Variants in FANCC observed in about 807,000 individuals in gnomAD.
FANCC encodes the protein FA complementation group C.
FANCC carries 55 observed loss-of-function variants against 71.3 expected under a neutral mutation model. The ratio of observed to expected loss-of-function variants is 0.77; its 90% CI spans 0.62 to 0.97. The LOEUF (loss-of-function observed/expected upper bound fraction) is 0.97. Ranked by LOEUF, FANCC falls within the 50% of genes least tolerant of loss-of-function variation. FANCC has a pLI of 0.00. For missense variants in FANCC, 678 were observed against 670.9 expected (o/e 1.01, Z -0.12); for synonymous variants, 275 against 244.9 (o/e 1.12, Z -1.15).
intron 1 of FANCC, among the ~76,000 whole-genome samples, chr9:95,261,219 A>G (rs758913553): frequency 2.0e-5 from 3 of 152,184 alleles, no homozygotes; most frequent in Non-Finnish European, 4.4e-5. Flanking sequence ...GATTTATGGT[A>G]ATTTCAACTT....
chr9:95,310,504 A>C (rs1006853344), intron 1 of FANCC, among the ~76,000 whole-genome samples: 2 of 152,304 alleles, frequency 1.3e-5, no homozygotes, highest in African/African-American at 2.4e-5. Context: ...CCATTACAGA[A>C]GTCACATCAC....
At chr9:95,257,995 A>C in intron 1 of FANCC, among the ~76,000 whole-genome samples, 1 of 152,220 alleles carries the variant, frequency 6.6e-6, no homozygotes, top group East Asian at 1.9e-4. Flanking sequence ...ACCAGGAAGA[A>C]GTTGAATCCC....
intron 1 of FANCC, among the ~76,000 whole-genome samples, chr9:95,303,454 T>C (rs1464344924): frequency 2.0e-5 from 3 of 152,236 alleles, no homozygotes; most frequent in Non-Finnish European, 1.5e-5. Context: ...AGGTCCTAGC[T>C]TGACCTCAAC....
intron 1 of FANCC, among the ~76,000 whole-genome samples, chr9:95,296,141 A>C (rs1834358919): frequency 6.6e-6 from 1 of 152,212 alleles, no homozygotes; most frequent in South Asian, 2.1e-4. Context: ...TATATCAATC[A>C]TATCTCAATA....
rs371048013 is a variant in FANCC at position 95,272,093 on chromosome 9, C to A, written c.-78-22724G>T. 2.5e-3 allele frequency among the ~76,000 whole-genome samples: 373 copies of A among 151,600 alleles called. 1 individual carries two copies. Among genetic ancestry groups the A allele is most frequent in the African/African-American group, 8.6e-3 (356 of 41,366 alleles). ...CTGGGACTACAGGCACCCGCCACCA[C>A]GCCTGGCTAAATTTTTTTGTATTTT... On this transcript the variant is annotated intron_variant, in intron 1 of 14. Coordinates refer to ENST00000289081, the MANE Select transcript of FANCC (RefSeq NM_000136.3).
intron 6 of FANCC, among the ~76,000 whole-genome samples, chr9:95,154,923 A>G (rs755650088): frequency 6.6e-6 from 1 of 152,046 alleles, no homozygotes; most frequent in Non-Finnish European, 1.5e-5. Context: ...GAAAATATTC[A>G]TGCTAGGTGT....
chr9:95,197,044 G>A (rs1256213183), intron 4 of FANCC, among the ~76,000 whole-genome samples: 1 of 152,160 alleles, frequency 6.6e-6, no homozygotes, highest in Non-Finnish European at 1.5e-5. Flanking sequence ...TCCTTAGGAG[G>A]AGGTGTCACT....
chr9:95,171,128 C>G lies in FANCC; in HGVS notation c.472G>C (p.Ala158Pro), dbSNP rs372338418. The G allele has an allele frequency of 1.2e-5, 20 of 1,613,246 alleles. No individual in the cohort carries two copies. The highest frequency in any genetic ancestry group is 1.1e-4 in the East Asian group (5 of 44,844). ...GLLKNMVLSL[A>P]SELRENHLNG... ...AGATGATTCTCTCTGAGTTCAGACGCTAATGATAAAACCATCTGTAAAACA... is the reference window on the plus strand; with the variant it reads ...AGATGATTCTCTCTGAGTTCAGACGGTAATGATAAAACCATCTGTAAAACA... The change falls in exon 6 of 15, where the codon GCG (alanine) becomes CCG (proline). Residue 158 changes from alanine to proline, a missense_variant. Coordinates refer to ENST00000289081, the MANE Select transcript of FANCC (RefSeq NM_000136.3).
At chr9:95,284,052 T>G (rs1372910792) in intron 1 of FANCC, among the ~76,000 whole-genome samples, 1 of 152,232 alleles carries the variant, frequency 6.6e-6, no homozygotes, top group Non-Finnish European at 1.5e-5. Flanking sequence ...TTAACACCCA[T>G]TCAATGTCAG....
At chr9:95,155,671 A>G (rs1374850514) in intron 6 of FANCC, among the ~76,000 whole-genome samples, 1 of 152,094 alleles carries the variant, frequency 6.6e-6, no homozygotes, top group Non-Finnish European at 1.5e-5. Context: ...CTCCTGGACC[A>G]CAATTAAAAG....
intron 7 of FANCC, among the ~76,000 whole-genome samples, chr9:95,139,236 C>A (rs1201551870): frequency 6.6e-6 from 1 of 152,100 alleles, no homozygotes; most frequent in African/African-American, 2.4e-5. Context: ...GGAAACGCAC[C>A]GACGTGGTCT....
At chr9:95,212,803 T>C (rs1828588537) in intron 4 of FANCC, among the ~76,000 whole-genome samples, 2 of 152,230 alleles carry the variant, frequency 1.3e-5, no homozygotes, top group African/African-American at 4.8e-5. Context: ...ACCACCACGA[T>C]AAACAGAAGG....
intron 4 of FANCC, among the ~76,000 whole-genome samples, chr9:95,212,673 G>T (rs574251147): frequency 6.6e-6 from 1 of 152,208 alleles, no homozygotes; most frequent in African/African-American, 2.4e-5. Flanking sequence ...GTGCTGAAAA[G>T]GGAGAATCTG....
At chr9:95,244,060 G>A (rs1830791151) in intron 3 of FANCC, among the ~76,000 whole-genome samples, 1 of 152,234 alleles carries the variant, frequency 6.6e-6, no homozygotes, top group South Asian at 2.1e-4. Context: ...CCAAGGTAAT[G>A]CAGATAAGGT....
intron 1 of FANCC, among the ~76,000 whole-genome samples, chr9:95,271,843 G>A (rs988008942): frequency 6.7e-6 from 1 of 148,254 alleles, no homozygotes; most frequent in Non-Finnish European, 1.5e-5. Context: ...CTGAATGCAC[G>A]CCTTAAAAGT....
intron 4 of FANCC, among the ~76,000 whole-genome samples, chr9:95,232,334 G>A (rs953473100): frequency 2.6e-5 from 4 of 152,172 alleles, no homozygotes; most frequent in Middle Eastern, 3.2e-3. Flanking sequence ...GTGGGACACA[G>A]ATCCAAACCA....
intron 4 of FANCC, among the ~76,000 whole-genome samples, chr9:95,229,485 T>C (rs1829856008): frequency 6.6e-6 from 1 of 151,844 alleles, no homozygotes; most frequent in Admixed American, 6.6e-5. Context: ...ATTGATAGAC[T>C]TGAGGTGAGA....
intron 1 of FANCC, among the ~76,000 whole-genome samples, chr9:95,311,059 A>G (rs985998629): frequency 6.6e-6 from 1 of 152,090 alleles, no homozygotes; most frequent in Non-Finnish European, 1.5e-5. Context: ...CCTGGCTAAC[A>G]CGGTGAAACT....
At chr9:95,186,659 A>T (rs1420357991) in intron 4 of FANCC, 1 of 152,246 alleles carries the variant, frequency 6.6e-6, no homozygotes, top group Non-Finnish European at 1.5e-5. Context: ...TGTGAAAACA[A>T]ACATAAAACA....
Sources: gnomAD v4.1 joint callset for allele counts (sites outside exome capture counted in the v4.1 genomes callset) on GRCh38, gnomAD v4.1.1 for gene constraint, MANE v1.5 for transcripts, NCBI Gene and HGNC (gene_info 2026-07-23, HGNC 2026-07-21) for gene names.